The following VPS13B variants were observed in gnomAD, a reference collection of about 807,000 sequenced individuals.
VPS13B encodes the protein intermembrane lipid transfer protein VPS13B.
A neutral mutation model predicts 426.4 loss-of-function variants in VPS13B; 285 were observed. The observed-to-expected ratio is 0.67, with a 90% CI of 0.61 to 0.74. The LOEUF is 0.74. Among genes scored for constraint, VPS13B ranks in the 30% least tolerant of loss-of-function variants. The pLI is 0.00. For synonymous variants in VPS13B, 1,676 were observed against 1,676.4 expected, an observed-to-expected ratio of 1.00 and a Z score of 0.01; for missense variants, 4,537 against 4,782.6, an observed-to-expected ratio of 0.95 and a Z score of 1.51.
chr8:99,765,496 C>A (rs1811171634), intron 39 of VPS13B, among the ~76,000 whole-genome samples: 1 of 152,136 alleles, frequency 6.6e-6, no homozygotes, highest in African/African-American at 2.4e-5. Flanking sequence ...GTTAGTGTTT[C>A]ATGGGTGCTG....
intron 21 of VPS13B, among the ~76,000 whole-genome samples, chr8:99,422,988 C>T (rs1816458488): frequency 6.6e-6 from 1 of 152,130 alleles, no homozygotes; most frequent in Non-Finnish European, 1.5e-5. Flanking sequence ...TTTAGTCATA[C>T]CTGTAATTGT....
At chr8:99,396,442 A>C (rs1436205145) in intron 21 of VPS13B, among the ~76,000 whole-genome samples, 2 of 152,288 alleles carry the variant, frequency 1.3e-5, no homozygotes, top group East Asian at 3.9e-4. Flanking sequence ...ATTTAATGAG[A>C]CTTTTTAAAA....
intron 15 of VPS13B, among the ~76,000 whole-genome samples, chr8:99,159,291 C>T (rs897773367): frequency 5.3e-5 from 8 of 152,114 alleles, no homozygotes; most frequent in African/African-American, 1.7e-4. Context: ...GCAATTACTC[C>T]TGGGGAAGAT....
intron 17 of VPS13B, among the ~76,000 whole-genome samples, chr8:99,206,326 A>C (rs1814717930): frequency 6.6e-6 from 1 of 152,220 alleles, no homozygotes; most frequent in Admixed American, 6.5e-5. Context: ...GTTAAAATAA[A>C]AATCTACTTT....
Position 99,817,626 on chromosome 8 carries a change from T to A in VPS13B, c.8184T>A (p.Asp2728Glu). Residue 2728 changes from aspartate to glutamate, a missense_variant, in exon 45 of 62, where the codon GAT becomes GAA. Physicochemically the swap from Asp to Glu is conservative, Grantham distance 45. Around this residue, in one of 2 missense-constraint regions of VPS13B, gnomAD observed 4,311 missense variants for 4,474.3 expected, o/e 0.96. Coordinates refer to ENST00000357162, the MANE Select transcript of VPS13B (RefSeq NM_152564.5). ...TCGTTCAGCATTACATTGGTCAAGA[T>A]GGACAAGCTGTAGTTCGGGAACATT... The part of the protein sequence containing the change: ...LKVVQHYIGQ[D>E]GQAVVREHFD... 1.9e-6 allele frequency: 3 copies of A among 1,614,066 alleles called. No homozygotes were observed. The highest frequency in any genetic ancestry group is 1.7e-6 in the Non-Finnish European group (2 of 1,179,990).
chr8:99,437,470 C>G (rs370405272), intron 22 of VPS13B, among the ~76,000 whole-genome samples: 1 of 151,732 alleles, frequency 6.6e-6, no homozygotes, highest in Non-Finnish European at 1.5e-5. Flanking sequence ...GTAATCCCAG[C>G]ACTTTGGAAG....
chr8:99,213,459 T>C (rs955645434), intron 17 of VPS13B, among the ~76,000 whole-genome samples: 1 of 152,204 alleles, frequency 6.6e-6, no homozygotes, highest in East Asian at 1.9e-4. Context: ...GTAAAATGGC[T>C]AATAATTTTT....
chr8:99,599,137 A>T (rs1033965313), intron 33 of VPS13B, among the ~76,000 whole-genome samples: 5 of 151,994 alleles, frequency 3.3e-5, no homozygotes, highest in Admixed American at 1.3e-4. Context: ...TACATTTTTT[A>T]AAATATTGTA....
intron 19 of VPS13B, among the ~76,000 whole-genome samples, chr8:99,299,923 A>G (rs1344223814): frequency 1.3e-5 from 2 of 152,306 alleles, no homozygotes; most frequent in East Asian, 3.9e-4. Flanking sequence ...AACAAAAACA[A>G]CAACAAAGTA....
chr8:99,832,656 T>A lies in VPS13B; in HGVS notation c.9614+4T>A. The A allele has an allele frequency of 6.2e-7, 1 of 1,613,236 alleles. No homozygotes were observed. Among genetic ancestry groups the A allele is most frequent in the South Asian group, 1.1e-5 (1 of 91,042 alleles). On this transcript the variant is annotated splice_donor_region_variant and intron_variant, in intron 52 of 61. Transcript: ENST00000357162. ...GGGAAAATGGATTCTGTACCAGGTA[T>A]TTTATGTTTATATAAATGTCTGTTC... is the stretch of plus-strand genomic sequence containing the variant.
At chr8:99,441,458 CAT>C (rs1817671665) in intron 22 of VPS13B, among the ~76,000 whole-genome samples, 1 of 152,178 alleles carries the variant, frequency 6.6e-6, no homozygotes, top group Non-Finnish European at 1.5e-5. Context: ...CTCCAGATAA[CAT>C]ATTTTTATGT....
At chr8:99,541,192 A>T (rs1430099138) in intron 30 of VPS13B, among the ~76,000 whole-genome samples, 2 of 152,206 alleles carry the variant, frequency 1.3e-5, no homozygotes, top group East Asian at 3.8e-4. Context: ...CTTATATAAG[A>T]ATTTATAAAC....
At chr8:99,811,230 G>A (rs1388265715) in intron 44 of VPS13B, among the ~76,000 whole-genome samples, 1 of 151,980 alleles carries the variant, frequency 6.6e-6, no homozygotes, top group Non-Finnish European at 1.5e-5. Context: ...TCCTGATTTC[G>A]AACCAAAAAT....
rs748030248 is a variant in VPS13B at position 99,875,491 on chromosome 8, G to T, written c.11819G>T (p.Cys3940Phe). The change falls in exon 62 of 62, where the codon TGT becomes TTT. Residue 3940 changes from cysteine (C) to phenylalanine (F), a missense_variant. Transcript: ENST00000357162. ...RLVDYITKTS[C>F]HLAPSCSSMQ... The stretch of plus-strand genomic sequence containing the variant: ...GTGGACTACATCACAAAGACATCTT[G>T]TCACCTGGCCCCCAGCTGTTCTTCC... 8.1e-6 allele frequency: 13 copies of T among 1,614,158 alleles called. No homozygotes were observed. The South Asian group carries it at 1.4e-4, about 18-fold the overall frequency.
intron 19 of VPS13B, among the ~76,000 whole-genome samples, chr8:99,309,087 T>C (rs1213534595): frequency 3.7e-4 from 57 of 152,338 alleles, no homozygotes; most frequent in African/African-American, 1.2e-3. Flanking sequence ...ATTAGCCCTT[T>C]GTCAGATGAG....
intron 2 of VPS13B, among the ~76,000 whole-genome samples, chr8:99,028,923 C>T (rs1486384919): frequency 8.0e-6 from 1 of 124,280 alleles, no homozygotes; most frequent in Non-Finnish European, 1.7e-5. Flanking sequence ...CGGGCGGAGA[C>T]GCTCCTCACT....
intron 33 of VPS13B, among the ~76,000 whole-genome samples, chr8:99,613,491 G>A (rs370382494): frequency 6.6e-6 from 1 of 152,136 alleles, no homozygotes; most frequent in East Asian, 1.9e-4. Context: ...CAAGAGCAGC[G>A]ACTATACTTC....
At chr8:99,572,823 TG>T (rs1367608219) in intron 31 of VPS13B, among the ~76,000 whole-genome samples, 5 of 152,300 alleles carry the variant, frequency 3.3e-5, no homozygotes, top group Non-Finnish European at 7.4e-5. Flanking sequence ...TACCCAGTAA[TG>T]GGATGGCTGG....
rs760545973 is a variant in VPS13B at position 99,013,762 on chromosome 8, T to A, written c.-27T>A. Reference sequence around the variant, plus strand: ...ACGTTTCTGTCTACTCCTTTCAGCTTCCGACTTCGACTCCTTACCTTAAAA... The same window carrying A: ...ACGTTTCTGTCTACTCCTTTCAGCTACCGACTTCGACTCCTTACCTTAAAA... On this transcript the variant is annotated splice_region_variant and 5_prime_UTR_variant, in exon 2 of 62. Coordinates refer to ENST00000357162, the MANE Select transcript of VPS13B (RefSeq NM_152564.5). 6.2e-7 allele frequency: 1 copy of A among 1,613,962 alleles called. No individual in the cohort carries two copies. Among genetic ancestry groups the A allele is most frequent in the Non-Finnish European group, 8.5e-7 (1 of 1,179,916 alleles).
Sources: allele counts gnomAD v4.1 joint callset (sites outside exome capture counted in the v4.1 genomes callset), GRCh38; gene constraint gnomAD v4.1.1; regional missense constraint gnomAD v4.1.1; transcripts MANE v1.5; gene names NCBI Gene and HGNC (gene_info 2026-07-23, HGNC 2026-07-21).